Variants in MAP3K5 observed in about 807,000 individuals in gnomAD.
MAP3K5 encodes the protein mitogen-activated protein kinase kinase kinase 5.
MAP3K5 carries 56 observed loss-of-function variants against 158.7 expected under a neutral mutation model. That is an observed-to-expected ratio of 0.35 (90% CI 0.28 to 0.44). MAP3K5 has a LOEUF of 0.44. Ranked by LOEUF, MAP3K5 falls within the 20% of genes least tolerant of loss-of-function variation. The pLI is 1.00. For missense variants in MAP3K5, 1,294 were observed against 1,674.8 expected (o/e 0.77, Z 3.97); for synonymous variants, 579 against 601.7 (o/e 0.96, Z 0.55).
intron 3 of MAP3K5, among the ~76,000 whole-genome samples, chr6:136,701,815 C>T (rs1780866297): frequency 6.6e-6 from 1 of 152,120 alleles, no homozygotes; most frequent in African/African-American, 2.4e-5. Context: ...GCCAATAAAG[C>T]AGAAAGTGGT....
In MAP3K5 at chr6:136,572,413, C is replaced by T. The variant is rs187018022; in HGVS notation, c.3518-4539G>A. 2.0e-3 allele frequency among the ~76,000 whole-genome samples: 306 copies of T among 152,298 alleles called. 2 individuals carry two copies. The highest frequency in any genetic ancestry group is 6.7e-3 in the African/African-American group (280 of 41,572). ...AGCTGGGATTACAGGCATGTGCCAC[C>T]ATGCCTGGCTAATTTTGTATTTTTG... On this transcript the variant is annotated intron_variant, in intron 25 of 29. Coordinates refer to ENST00000359015, the MANE Select transcript of MAP3K5 (RefSeq NM_005923.4).
At chr6:136,746,671 TATGC>T (rs949669628) in intron 1 of MAP3K5, among the ~76,000 whole-genome samples, 1 of 152,016 alleles carries the variant, frequency 6.6e-6, no homozygotes, top group African/African-American at 2.4e-5. Flanking sequence ...ACAATTTGAG[TATGC>T]ATAACAATAT....
intron 1 of MAP3K5, among the ~76,000 whole-genome samples, chr6:136,733,089 T>TC: frequency 6.6e-6 from 1 of 152,190 alleles, no homozygotes; most frequent in East Asian, 1.9e-4. Context: ...ATCCTCGACC[T>TC]CCTGGGCTCA....
rs906685012 is a variant in MAP3K5, at chr6:136,592,120, C to G, written c.3225+53G>C. 179 of 1,484,372 alleles carry G rather than the reference C, an allele frequency of 1.2e-4. 1 individual carries two copies. The highest frequency in any genetic ancestry group is 1.5e-4 in the Non-Finnish European group (171 of 1,106,608). 92.0% of individuals were successfully genotyped at this position (1,484,372 alleles called of 1,614,324 possible). Reference sequence around the variant, plus strand: ...CTGTGACAGCTGCAGGCGGTTAGGACACAGATAAAATATGTAACCTTTGGG... The same window carrying G: ...CTGTGACAGCTGCAGGCGGTTAGGAGACAGATAAAATATGTAACCTTTGGG... On this transcript the variant is annotated intron_variant, in intron 23 of 29. Coordinates refer to ENST00000359015, the MANE Select transcript of MAP3K5 (RefSeq NM_005923.4).
At chr6:136,707,438 T>C (rs1781124538) in intron 2 of MAP3K5, among the ~76,000 whole-genome samples, 2 of 151,530 alleles carry the variant, frequency 1.3e-5, no homozygotes. Flanking sequence ...AAGGTGAGGA[T>C]CCAGGCCGGA....
intron 21 of MAP3K5, among the ~76,000 whole-genome samples, chr6:136,599,922 A>G (rs1775800335): frequency 6.6e-6 from 1 of 152,124 alleles, no homozygotes; most frequent in Non-Finnish European, 1.5e-5. Context: ...TGTGGAGAAA[A>G]GAGGTACAAG....
chr6:136,761,045 C>T lies in MAP3K5; in HGVS notation c.448+30665G>A, dbSNP rs139548895. Among the ~76,000 whole-genome samples, 619 of 152,020 alleles carry T rather than the reference C, an allele frequency of 4.1e-3. 8 individuals carry two copies. The highest frequency in any genetic ancestry group is 0.014 in the African/African-American group (597 of 41,474). ...GATCCCTCTCCTTTTTTGCCCCATG[C>T]GATAACAGAGAAAAGACAGCTATTT... is the stretch of plus-strand genomic sequence containing the variant. On this transcript the variant is annotated intron_variant, in intron 1 of 29. Transcript: ENST00000359015.
intron 1 of MAP3K5, among the ~76,000 whole-genome samples, chr6:136,779,462 G>C (rs897806070): frequency 6.6e-4 from 77 of 116,298 alleles, no homozygotes; most frequent in African/African-American, 2.5e-3. Flanking sequence ...AAAAAAAAAA[G>C]ATTAAATAAG....
intron 8 of MAP3K5, among the ~76,000 whole-genome samples, chr6:136,665,622 A>T (rs1001323137): frequency 7.2e-5 from 11 of 152,214 alleles, no homozygotes; most frequent in Non-Finnish European, 1.3e-4. Context: ...CTGGGATTAC[A>T]GGCCTGAGCC....
chr6:136,709,784 C>T (rs188789646), intron 2 of MAP3K5, among the ~76,000 whole-genome samples: 26 of 152,170 alleles, frequency 1.7e-4, no homozygotes, highest in Admixed American at 6.5e-4. Context: ...AAAATCATTC[C>T]TGAGCCAGAT....
chr6:136,730,721 C>CA lies in MAP3K5; in HGVS notation c.449-10133dup, dbSNP rs377188561. ...TGGGAGATAGAGTGAAACTCTGCCT[C>CA]AAAAAAAAAAAAAAAAAAAAAAGAG... On this transcript the variant is annotated intron_variant, in intron 1 of 29. Transcript: ENST00000359015. Among the ~76,000 whole-genome samples the CA allele has an allele frequency of 8.2e-3, 711 of 87,072 alleles. 9 individuals are homozygous for CA. Among genetic ancestry groups the CA allele is most frequent in the African/African-American group, 0.032 (524 of 16,292 alleles). The allele number at this position is 87,072 out of a possible 152,430, so 57.1% of individuals were successfully genotyped here.
intron 8 of MAP3K5, among the ~76,000 whole-genome samples, chr6:136,662,674 T>C (rs573535025): frequency 6.6e-6 from 1 of 152,334 alleles, no homozygotes; most frequent in African/African-American, 2.4e-5. Context: ...GGATAGAATT[T>C]CAGGAGTACT....
intron 1 of MAP3K5, among the ~76,000 whole-genome samples, chr6:136,786,729 T>C (rs1014714650): frequency 6.6e-6 from 1 of 151,934 alleles, no homozygotes; most frequent in Non-Finnish European, 1.5e-5. Flanking sequence ...TTGCAACCTA[T>C]TCTTTTTAAA....
At chr6:136,760,533 C>T (rs1238134345) in intron 1 of MAP3K5, among the ~76,000 whole-genome samples, 3 of 152,176 alleles carry the variant, frequency 2.0e-5, no homozygotes, top group Non-Finnish European at 4.4e-5. Flanking sequence ...TCAATAAATA[C>T]TACTAAGGTC....
chr6:136,781,975 G>C (rs575219626), intron 1 of MAP3K5, among the ~76,000 whole-genome samples: 1 of 151,942 alleles, frequency 6.6e-6, no homozygotes, highest in South Asian at 2.1e-4. Context: ...TAGCATTTTG[G>C]GAGGCAGGGG....
chr6:136,654,832 T>G (rs9483938), intron 10 of MAP3K5, among the ~76,000 whole-genome samples: 17,807 of 152,154 alleles, frequency 0.12, 1,935 homozygotes, highest in African/African-American at 0.27. Flanking sequence ...TATAAAACAT[T>G]TTCTCCCTGC....
At position 136,667,272 on chromosome 6, in the gene MAP3K5, G is replaced by C. The variant is rs1359935745; in HGVS notation, c.1366+2011C>G. Among the ~76,000 whole-genome samples, 3 of 152,006 alleles carry C rather than the reference G, an allele frequency of 2.0e-5. No individual in the cohort carries two copies. The East Asian group carries it at 5.8e-4, about 29-fold the overall frequency. ...TAAAAACAATGAAAAAAGCAACAAA[G>C]GAGCAATAAAAATATTTTTAGAACA... On this transcript the variant is annotated intron_variant, in intron 8 of 29. Coordinates refer to ENST00000359015, the MANE Select transcript of MAP3K5 (RefSeq NM_005923.4).
intron 1 of MAP3K5, among the ~76,000 whole-genome samples, chr6:136,740,488 T>C (rs1782664941): frequency 1.3e-5 from 2 of 152,218 alleles, no homozygotes; most frequent in South Asian, 2.1e-4. Context: ...ACGTGTCCCC[T>C]GAGTCCTGGA....
At chr6:136,565,512 G>A (rs973819007) in intron 26 of MAP3K5, among the ~76,000 whole-genome samples, 2 of 152,172 alleles carry the variant, frequency 1.3e-5, no homozygotes, top group Non-Finnish European at 1.5e-5. Context: ...GCTCACTGTA[G>A]CCTCAACCTC....
Sources: gnomAD v4.1 joint callset for allele counts (sites outside exome capture counted in the v4.1 genomes callset) on GRCh38, gnomAD v4.1.1 for gene constraint, MANE v1.5 for transcripts, NCBI Gene and HGNC (gene_info 2026-07-23, HGNC 2026-07-21) for gene names.